KAZN: variants seen among roughly 807,000 people sequenced by gnomAD.
KAZN encodes kazrin, periplakin interacting protein.
Under a neutral mutation model 87.4 loss-of-function variants are expected in KAZN, and 40 were observed. The observed-to-expected ratio is 0.46, with a 90% confidence interval of 0.36 to 0.60. The LOEUF is 0.60. Ranked by LOEUF, KAZN falls within the 20% of genes least tolerant of loss-of-function variation. The pLI, the probability that KAZN is intolerant of heterozygous loss-of-function variation, is 0.00. For synonymous variants in KAZN, 466 were observed against 458.3 expected (o/e 1.02, Z -0.22); for missense variants, 898 against 1,073.9 (o/e 0.84, Z 2.29).
intron 1 of KAZN, among the ~76,000 whole-genome samples, chr1:14,137,701 C>CTTTTT (rs35819477): frequency 2.3e-4 from 15 of 65,048 alleles, no homozygotes; most frequent in African/African-American, 3.4e-4. Flanking sequence ...AAATATAAGG[C>CTTTTT]TTTTTTTTTT....
chr1:14,043,151 T>G (rs1040904771), intron 1 of KAZN, among the ~76,000 whole-genome samples: 2 of 152,228 alleles, frequency 1.3e-5, no homozygotes, highest in Admixed American at 1.3e-4. Flanking sequence ...ACTTTATATA[T>G]GTGGAATCGT....
intron 1 of KAZN, among the ~76,000 whole-genome samples, chr1:14,737,283 G>C (rs1253824399): frequency 6.6e-6 from 1 of 152,170 alleles, no homozygotes; most frequent in Admixed American, 6.5e-5. Flanking sequence ...CCTGTGGTCA[G>C]AGAAGACCTG....
intron 2 of KAZN, among the ~76,000 whole-genome samples, chr1:14,585,245 GTAC>G (rs1197527840): frequency 6.6e-6 from 1 of 152,206 alleles, no homozygotes; most frequent in African/African-American, 2.4e-5. Context: ...GCCTAGCAAA[GTAC>G]TACAGGCAGG....
chr1:14,846,928 C>A (rs1293325283), intron 1 of KAZN, among the ~76,000 whole-genome samples: 2 of 152,152 alleles, frequency 1.3e-5, no homozygotes, highest in South Asian at 2.1e-4. Context: ...CTGGCTGACA[C>A]CACAGCCCCT....
At chr1:15,065,274 C>T (rs1242049744) in intron 7 of KAZN, among the ~76,000 whole-genome samples, 5 of 152,128 alleles carry the variant, frequency 3.3e-5, no homozygotes, top group Admixed American at 1.3e-4. Context: ...GTGATCCACC[C>T]GCCTGGGCTT....
At chr1:14,603,081 A>C (rs980116939) in intron 1 of KAZN, among the ~76,000 whole-genome samples, 2 of 152,246 alleles carry the variant, frequency 1.3e-5, no homozygotes, top group South Asian at 2.1e-4. Context: ...TCTTTCGTGA[A>C]GTATAAATTA....
At chr1:14,666,508 A>G (rs552301167) in intron 1 of KAZN, among the ~76,000 whole-genome samples, 60 of 152,302 alleles carry the variant, frequency 3.9e-4, no homozygotes, top group African/African-American at 1.3e-3. Flanking sequence ...ACAAATTCCT[A>G]CAAATTGAAT....
chr1:15,112,687 T>TG (rs1305930231), intron 14 of KAZN, 146 bp downstream of exon 14: 1 of 611,390 alleles, frequency 1.6e-6, no homozygotes, highest in Admixed American at 2.9e-5. Flanking sequence ...ACAGATGCCC[T>TG]GGATGTACCT....
chr1:14,784,336 G>T (rs1345385776), intron 1 of KAZN, among the ~76,000 whole-genome samples: 1 of 152,160 alleles, frequency 6.6e-6, no homozygotes, highest in Non-Finnish European at 1.5e-5. Flanking sequence ...TGAATAACTG[G>T]AGACTATAAC....
chr1:14,313,990 G>A (rs1175551077), intron 2 of KAZN, among the ~76,000 whole-genome samples: 1 of 152,112 alleles, frequency 6.6e-6, no homozygotes, highest in East Asian at 1.9e-4. Context: ...CTAATCAGTG[G>A]CAAATTACTG....
At chr1:14,748,384 G>T (rs938867522) in intron 1 of KAZN, among the ~76,000 whole-genome samples, 1 of 152,194 alleles carries the variant, frequency 6.6e-6, no homozygotes, top group Admixed American at 6.5e-5. Context: ...ATGGCTGGGA[G>T]TTCATGACCT....
At chr1:14,084,622 C>A (rs1335136601) in intron 1 of KAZN, among the ~76,000 whole-genome samples, 1 of 151,082 alleles carries the variant, frequency 6.6e-6, no homozygotes, top group African/African-American at 2.4e-5. Context: ...GTGGTGGAAC[C>A]ATTTACTTCA....
At chr1:14,487,824 GA>G (rs1669427577) in intron 2 of KAZN, among the ~76,000 whole-genome samples, 1 of 152,218 alleles carries the variant, frequency 6.6e-6, no homozygotes, top group African/African-American at 2.4e-5. Context: ...CCATGGGGCA[GA>G]AGGTCATTTG....
intron 2 of KAZN, among the ~76,000 whole-genome samples, chr1:14,573,774 T>C (rs1432187820): frequency 6.6e-6 from 1 of 152,342 alleles, no homozygotes; most frequent in African/African-American, 2.4e-5. Flanking sequence ...GGCTTTTTTT[T>C]ACTCAAGCTG....
Position 14,473,484 on chromosome 1 carries a change from G to GT in KAZN, c.250-125499_250-125498insT, listed in dbSNP as rs1668558750. 2.6e-5 allele frequency among the ~76,000 whole-genome samples: 4 copies of GT among 152,118 alleles called. No individual in the cohort carries two copies. The South Asian group carries it at 8.3e-4, about 32-fold the overall frequency. ...TCTACGAAAAATACAAAAATTAGCTGGGCATGGTGGCATATGCCTGTAGTT... is the reference window on the plus strand; with the variant it reads ...TCTACGAAAAATACAAAAATTAGCTGTGGCATGGTGGCATATGCCTGTAGTT... On this transcript the variant is annotated intron_variant, in intron 2 of 16. Transcript: ENST00000636203.
At chr1:14,181,205 G>A (rs1235142522) in intron 2 of KAZN, among the ~76,000 whole-genome samples, 1 of 152,228 alleles carries the variant, frequency 6.6e-6, no homozygotes, top group African/African-American at 2.4e-5. Flanking sequence ...AGTGTTTTAA[G>A]AGAATTGATA....
rs75736566 is a variant in KAZN at position 14,074,764 on chromosome 1, C to T, written c.92-105671C>T. Among the ~76,000 whole-genome samples the T allele has an allele frequency of 9.0e-3, 1,373 of 152,270 alleles. 21 individuals carry two copies. The highest frequency in any genetic ancestry group is 0.031 in the African/African-American group (1,306 of 41,542). On this transcript the variant is annotated intron_variant, in intron 1 of 16. Coordinates refer to the KAZN transcript ENST00000636203. Reference sequence around the variant, plus strand: ...TAATTGCATACATTTTTATTAGCAACGGACTGAGATGCAGGGACTTGGGTT... The same window carrying T: ...TAATTGCATACATTTTTATTAGCAATGGACTGAGATGCAGGGACTTGGGTT...
Position 14,207,057 on chromosome 1 carries a change from G to A in KAZN, c.249+26465G>A, listed in dbSNP as rs538664419. ...CAGCTCACTGCAACTTCTGCCTCTC[G>A]GGTTCAAGTGATTCTCCTGCCTCAG... On this transcript the variant is annotated intron_variant, in intron 2 of 16. Coordinates refer to the KAZN transcript ENST00000636203. Among the ~76,000 whole-genome samples, 8 of 150,966 alleles carry A rather than the reference G, an allele frequency of 5.3e-5. No homozygotes were observed. The South Asian group carries it at 6.3e-4, about 12-fold the overall frequency.
At chr1:14,681,633 A>G (rs374317938) in intron 1 of KAZN, among the ~76,000 whole-genome samples, 8 of 17,406 alleles carry the variant, frequency 4.6e-4, no homozygotes, top group Admixed American at 1.0e-3. Context: ...ATATATATAT[A>G]TATATATATA....
Sources: allele counts gnomAD v4.1 joint callset (sites outside exome capture counted in the v4.1 genomes callset), GRCh38; gene constraint gnomAD v4.1.1; transcripts MANE v1.5; gene names NCBI Gene and HGNC (gene_info 2026-07-23, HGNC 2026-07-21).